The following IMMP2L variants were observed in gnomAD, a reference collection of about 807,000 sequenced individuals.
IMMP2L encodes the protein mitochondrial inner membrane protease subunit 2.
IMMP2L carries 18 observed loss-of-function variants against 19.3 expected under a neutral mutation model. The ratio of observed to expected loss-of-function variants is 0.93; its 90% CI spans 0.64 to 1.38. The LOEUF (loss-of-function observed/expected upper bound fraction) is 1.38. Among genes scored for constraint, IMMP2L ranks in the 40% most tolerant of loss-of-function variants. IMMP2L has a pLI of 0.00. For missense variants in IMMP2L, 233 were observed against 218.2 expected, an observed-to-expected ratio of 1.07 and a Z score of -0.43; for synonymous variants, 76 against 73.0, an observed-to-expected ratio of 1.04 and a Z score of -0.21.
chr7:111,198,374 T>G (rs1278988866), intron 3 of IMMP2L, among the ~76,000 whole-genome samples: 1 of 152,142 alleles, frequency 6.6e-6, no homozygotes, highest in Non-Finnish European at 1.5e-5. Flanking sequence ...AGAGTGACTT[T>G]AAGCAAGTTC....
At position 110,869,214 on chromosome 7, in the gene IMMP2L, ACT is replaced by A. The variant is rs1563039970; in HGVS notation, c.408+17377_408+17378del. Among the ~76,000 whole-genome samples the A allele has an allele frequency of 2.6e-5, 4 of 151,920 alleles. No homozygotes were observed. The South Asian group carries it at 8.3e-4, about 32-fold the overall frequency. On this transcript the variant is annotated intron_variant, in intron 5 of 5. Coordinates refer to ENST00000405709, the MANE Select transcript of IMMP2L (RefSeq NM_032549.4). ...AATAAAACACATATTTAATTAACAC[ACT>A]CTTTCATTTCTACCATCCAATTTCT...
At chr7:110,886,905 G>T (rs1037140241) in intron 4 of IMMP2L, among the ~76,000 whole-genome samples, 1 of 152,086 alleles carries the variant, frequency 6.6e-6, no homozygotes, top group Non-Finnish European at 1.5e-5. Context: ...CTATAGGTAA[G>T]AATTTTGTGC....
chr7:111,273,128 T>C (rs946727995), intron 3 of IMMP2L, among the ~76,000 whole-genome samples: 22 of 151,862 alleles, frequency 1.4e-4, no homozygotes, highest in African/African-American at 4.1e-4. Context: ...AATACAAAAA[T>C]TCACTGGGCA....
At chr7:111,492,417 T>A in intron 2 of IMMP2L, 1 of 982,868 alleles carries the variant, frequency 1.0e-6, no homozygotes, top group African/African-American at 1.7e-5. Context: ...GGATGCCTCA[T>A]TATCAGACTT....
Position 110,684,170 on chromosome 7 carries a change from T to C in IMMP2L, c.409-20449A>G, listed in dbSNP as rs559552918. 2.4e-3 allele frequency among the ~76,000 whole-genome samples: 369 copies of C among 152,234 alleles called. 1 individual carries two copies. Among genetic ancestry groups the C allele is most frequent in the Non-Finnish European group, 2.9e-3 (195 of 67,996 alleles). ...TAAAATAAAACTGGTAGAGCTACCA[T>C]AAACCAGAAGAAATTCCTCATGGCT... On this transcript the variant is annotated intron_variant, in intron 5 of 5. Transcript: ENST00000405709.
chr7:110,881,536 A>G (rs1177100681), intron 5 of IMMP2L, among the ~76,000 whole-genome samples: 1 of 152,214 alleles, frequency 6.6e-6, no homozygotes, highest in Non-Finnish European at 1.5e-5. Flanking sequence ...AGAAAATATA[A>G]CCAATTAAAG....
At chr7:111,120,615 G>A (rs1365362083) in intron 3 of IMMP2L, among the ~76,000 whole-genome samples, 3 of 152,066 alleles carry the variant, frequency 2.0e-5, no homozygotes, top group African/African-American at 7.2e-5. Context: ...GTTATTCTCA[G>A]GGAAAAATAA....
chr7:110,756,965 T>C (rs1436521525), intron 5 of IMMP2L, among the ~76,000 whole-genome samples: 1 of 152,076 alleles, frequency 6.6e-6, no homozygotes, highest in Admixed American at 6.6e-5. Flanking sequence ...TTTGTATGTA[T>C]TTATACATAT....
At chr7:111,437,470 C>G (rs559451829) in intron 3 of IMMP2L, among the ~76,000 whole-genome samples, 1 of 151,896 alleles carries the variant, frequency 6.6e-6, no homozygotes, top group Non-Finnish European at 1.5e-5. Flanking sequence ...TAATGCATCC[C>G]ACTGCTATCA....
chr7:111,063,678 G>A (rs1283051299), intron 3 of IMMP2L, among the ~76,000 whole-genome samples: 1 of 148,856 alleles, frequency 6.7e-6, no homozygotes, highest in East Asian at 2.0e-4. Flanking sequence ...TCTTCCTCCA[G>A]ATACCTTAAA....
intron 5 of IMMP2L, among the ~76,000 whole-genome samples, chr7:110,818,460 A>C (rs912601413): frequency 3.3e-5 from 5 of 152,070 alleles, no homozygotes; most frequent in African/African-American, 1.2e-4. Context: ...AAAGTCAGGA[A>C]ACAACAGGTG....
intron 4 of IMMP2L, among the ~76,000 whole-genome samples, chr7:110,908,294 C>T (rs989959461): frequency 6.6e-5 from 10 of 152,090 alleles, no homozygotes; most frequent in East Asian, 1.9e-4. Context: ...CACTAAACCA[C>T]GCAGGTACAC....
At chr7:110,744,605 C>T (rs745433494) in intron 5 of IMMP2L, among the ~76,000 whole-genome samples, 1 of 152,208 alleles carries the variant, frequency 6.6e-6, no homozygotes, top group Non-Finnish European at 1.5e-5. Context: ...CCCAGGCAAA[C>T]AGGGTCTGGA....
At chr7:111,090,466 A>G (rs1563230964) in intron 3 of IMMP2L, among the ~76,000 whole-genome samples, 1 of 152,160 alleles carries the variant, frequency 6.6e-6, no homozygotes, top group Non-Finnish European at 1.5e-5. Flanking sequence ...TTATTACATC[A>G]TATAAAGAGA....
rs150630214 is a variant in IMMP2L, at chr7:111,100,198, A to C, written c.240-136633T>G. 4.9e-3 allele frequency among the ~76,000 whole-genome samples: 740 copies of C among 151,652 alleles called. 8 individuals are homozygous for C. The highest frequency in any genetic ancestry group is 0.02 in the South Asian group (95 of 4,822). On this transcript the variant is annotated intron_variant, in intron 3 of 5. Transcript: ENST00000405709. The stretch of plus-strand genomic sequence containing the variant: ...CTGGTTACATGAATAAATTATTTAG[A>C]GGTGATTTCTGAGATTTTGGTGCAC...
chr7:110,769,434 C>A (rs1400175058), intron 5 of IMMP2L, among the ~76,000 whole-genome samples: 2 of 152,148 alleles, frequency 1.3e-5, no homozygotes, highest in East Asian at 1.9e-4. Context: ...GATTGATTGT[C>A]CAGTTAATAA....
At chr7:110,874,948 G>A (rs913433009) in intron 5 of IMMP2L, among the ~76,000 whole-genome samples, 6 of 151,996 alleles carry the variant, frequency 3.9e-5, no homozygotes, top group Admixed American at 3.3e-4. Context: ...GAAGGGCAAA[G>A]AGGAAAAAGG....
At chr7:111,485,670 T>C (rs996858009) in intron 3 of IMMP2L, among the ~76,000 whole-genome samples, 5 of 147,428 alleles carry the variant, frequency 3.4e-5, no homozygotes, top group Middle Eastern at 3.6e-3. Flanking sequence ...CAATCCCAAT[T>C]TGAATAGAAT....
intron 5 of IMMP2L, among the ~76,000 whole-genome samples, chr7:110,731,006 CAT>C (rs760748500): frequency 3.9e-5 from 6 of 152,298 alleles, no homozygotes; most frequent in Non-Finnish European, 8.8e-5. Flanking sequence ...TAATTAAACA[CAT>C]GTTGCAGCTG....
Sources: allele counts gnomAD v4.1 joint callset (sites outside exome capture counted in the v4.1 genomes callset), GRCh38; gene constraint gnomAD v4.1.1; transcripts MANE v1.5; gene names NCBI Gene and HGNC (gene_info 2026-07-23, HGNC 2026-07-21).